The following ADAM10 variants were observed in gnomAD, a reference collection of about 807,000 sequenced individuals.
ADAM10 encodes ADAM metallopeptidase domain 10, also known as disintegrin and metalloproteinase domain-containing protein 10.
ADAM10 carries 17 observed loss-of-function variants against 90.1 expected under a neutral mutation model. The ratio of observed to expected loss-of-function variants is 0.19; its 90% CI spans 0.13 to 0.28. The LOEUF (loss-of-function observed/expected upper bound fraction) is 0.28. Ranked by LOEUF, ADAM10 falls within the 10% of genes least tolerant of loss-of-function variation. ADAM10 has a pLI of 1.00. For synonymous variants in ADAM10, 310 were observed against 298.6 expected (o/e 1.04, Z -0.40); for missense variants, 610 against 914.3 (o/e 0.67, Z 4.29).
intron 15 of ADAM10, among the ~76,000 whole-genome samples, chr15:58,598,765 T>C (rs1895028092): frequency 1.3e-5 from 2 of 152,212 alleles, no homozygotes; most frequent in Admixed American, 6.5e-5. Context: ...GAAGGGTTTA[T>C]TTCCTGTCCT....
At chr15:58,640,070 C>A (rs1896374772) in intron 8 of ADAM10, among the ~76,000 whole-genome samples, 1 of 152,154 alleles carries the variant, frequency 6.6e-6, no homozygotes, top group Non-Finnish European at 1.5e-5. Flanking sequence ...GGCAACTGAA[C>A]TTATACAGTA....
chr15:58,598,686 A>C (rs1390416994), intron 15 of ADAM10, among the ~76,000 whole-genome samples: 1 of 152,240 alleles, frequency 6.6e-6, no homozygotes, highest in Non-Finnish European at 1.5e-5. Context: ...GTCTGTCCTC[A>C]CACCTGTAGA....
chr15:58,729,891 G>A (rs1014317546), intron 1 of ADAM10, among the ~76,000 whole-genome samples: 2 of 151,854 alleles, frequency 1.3e-5, no homozygotes, highest in African/African-American at 2.4e-5. Flanking sequence ...GAACCCAGGA[G>A]GCGGAGGCTG....
intron 2 of ADAM10, among the ~76,000 whole-genome samples, chr15:58,703,649 T>C (rs1230732492): frequency 6.6e-6 from 1 of 152,088 alleles, no homozygotes; most frequent in African/African-American, 2.4e-5. Flanking sequence ...TGGCTCTGTG[T>C]CCCCACCCAA....
At chr15:58,607,054 TTTTAAATTTTTTTCAATCA>T (rs1182200364) in intron 14 of ADAM10, among the ~76,000 whole-genome samples, 1 of 152,262 alleles carries the variant, frequency 6.6e-6, no homozygotes, top group Non-Finnish European at 1.5e-5. Flanking sequence ...TTTTGATAAT[TTTTAAATTTTTTTCAATCA>T]TTTAAAAATG....
At chr15:58,745,346 T>C (rs1183114172) in intron 1 of ADAM10, among the ~76,000 whole-genome samples, 3 of 152,206 alleles carry the variant, frequency 2.0e-5, no homozygotes, top group Non-Finnish European at 2.9e-5. Flanking sequence ...TTGTATCCTA[T>C]TCTTAAATTG....
chr15:58,600,225 T>A (rs902465275), intron 14 of ADAM10, among the ~76,000 whole-genome samples: 5 of 152,208 alleles, frequency 3.3e-5, no homozygotes, highest in African/African-American at 1.2e-4. Context: ...ACTTATGAAC[T>A]ACAAAAGGAT....
At chr15:58,693,170 C>T (rs1897879582) in intron 2 of ADAM10, 2 of 724,420 alleles carry the variant, frequency 2.8e-6, no homozygotes, top group Middle Eastern at 2.4e-4. Flanking sequence ...GCCACCTCCC[C>T]TTCTCCATGG....
At chr15:58,682,103 C>G in intron 3 of ADAM10, 93 bp downstream of exon 3, 1 of 1,559,900 alleles carries the variant, frequency 6.4e-7, no homozygotes, top group Non-Finnish European at 8.7e-7. Context: ...GATTTATAAC[C>G]TTTTCTGAAA....
rs75859027 is a variant in ADAM10 at position 58,733,374 on chromosome 15, G to A, written c.56-15647C>T. 1.4e-4 allele frequency among the ~76,000 whole-genome samples: 22 copies of A among 152,266 alleles called. No homozygotes were observed. The East Asian group carries it at 4.3e-3, about 29-fold the overall frequency. On this transcript the variant is annotated intron_variant, in intron 1 of 15. Transcript: ENST00000260408. ...ACCCAGCTCCTGCCCAAAAGACCTG[G>A]GTTGGGGTCTGCTGTGGATTTCCAG... is the stretch of plus-strand genomic sequence containing the variant.
chr15:58,745,373 C>T (rs1899757475), intron 1 of ADAM10, among the ~76,000 whole-genome samples: 1 of 152,066 alleles, frequency 6.6e-6, no homozygotes. Context: ...ATTAATATGA[C>T]CCTCAACTAA....
intron 2 of ADAM10, among the ~76,000 whole-genome samples, chr15:58,716,242 C>T (rs556097846): frequency 6.6e-6 from 1 of 152,192 alleles, no homozygotes; most frequent in African/African-American, 2.4e-5. Flanking sequence ...AGCACGTGTA[C>T]CATATGTGCA....
At position 58,591,656 on chromosome 15, in the gene ADAM10, A is replaced by C. The variant is rs1204303764; in HGVS notation, c.*5891T>G. On this transcript the variant is annotated 3_prime_UTR_variant, in exon 16 of 16. Transcript: ENST00000260408. ...CAAGTGCCCATCACCCAGCTTCAAT[A>C]ATTATCAACTCACAGCCAATCTTGT... 1 of 152,218 alleles carries C rather than the reference A, an allele frequency of 6.6e-6. No homozygotes were observed. The highest frequency in any genetic ancestry group is 2.4e-5 in the African/African-American group (1 of 41,452). 9.4% of individuals were successfully genotyped at this position (152,218 alleles called of 1,614,324 possible).
intron 2 of ADAM10, among the ~76,000 whole-genome samples, chr15:58,703,038 A>G (rs918522381): frequency 6.6e-6 from 1 of 152,200 alleles, no homozygotes; most frequent in Non-Finnish European, 1.5e-5. Flanking sequence ...CTATTTTAGC[A>G]TTTTATAAAA....
At chr15:58,694,645 G>A (rs546241184) in intron 2 of ADAM10, among the ~76,000 whole-genome samples, 1 of 151,888 alleles carries the variant, frequency 6.6e-6, no homozygotes, top group South Asian at 2.1e-4. Context: ...AATGTTAGCA[G>A]CAGCTTTATT....
intron 1 of ADAM10, 143 bp downstream of exon 1, chr15:58,749,337 G>C (rs1449335763): frequency 1.1e-5 from 12 of 1,108,968 alleles, no homozygotes; most frequent in African/African-American, 1.6e-5. Flanking sequence ...AATAGGGAGC[G>C]GGGAGCGCGG....
In ADAM10 at chr15:58,610,534, A is replaced by G. The variant is rs191379790; in HGVS notation, c.1805-17T>C. ...ATGGGTCCACTGGAAAAGAAATGCCAAATATAAGCTGAAGGTCAGATTCAA... is the reference window on the plus strand; with the variant it reads ...ATGGGTCCACTGGAAAAGAAATGCCGAATATAAGCTGAAGGTCAGATTCAA... On this transcript the variant is annotated splice_polypyrimidine_tract_variant and intron_variant, in intron 13 of 15. Transcript: ENST00000260408. 6.2e-7 allele frequency: 1 copy of G among 1,606,412 alleles called. No homozygotes were observed. The highest frequency in any genetic ancestry group is 8.5e-7 in the Non-Finnish European group (1 of 1,173,100).
chr15:58,725,263 G>T (rs866272943), intron 1 of ADAM10, among the ~76,000 whole-genome samples: 1 of 151,664 alleles, frequency 6.6e-6, no homozygotes, highest in Admixed American at 6.6e-5. Flanking sequence ...AGGCATGGTA[G>T]TGCATGCCTG....
At chr15:58,655,706 A>G (rs1215174247) in intron 5 of ADAM10, among the ~76,000 whole-genome samples, 2 of 56,900 alleles carry the variant, frequency 3.5e-5, no homozygotes, top group Admixed American at 1.9e-4. Context: ...GTATATATAT[A>G]TATAGTATAT....
Sources: gnomAD v4.1 joint callset for allele counts (sites outside exome capture counted in the v4.1 genomes callset) on GRCh38, gnomAD v4.1.1 for gene constraint, MANE v1.5 for transcripts, NCBI Gene and HGNC (gene_info 2026-07-23, HGNC 2026-07-21) for gene names.